Variants in IARS2 observed in about 807,000 individuals in gnomAD.
IARS2 encodes isoleucine--tRNA ligase, mitochondrial.
IARS2 carries 56 observed loss-of-function variants against 126.3 expected under a neutral mutation model. The observed-to-expected ratio is 0.44, with a 90% CI of 0.36 to 0.55. The LOEUF (loss-of-function observed/expected upper bound fraction) is 0.55. Among genes scored for constraint, IARS2 ranks in the 20% least tolerant of loss-of-function variants. The pLI is 0.00. For missense variants in IARS2, 1,127 were observed against 1,245.9 expected, an observed-to-expected ratio of 0.90 and a Z score of 1.44; for synonymous variants, 407 against 441.1, an observed-to-expected ratio of 0.92 and a Z score of 0.97.
At chr1:220,145,871 GGAGA>G (rs1230257613) in intron 22 of IARS2, among the ~76,000 whole-genome samples, 2 of 152,136 alleles carry the variant, frequency 1.3e-5, no homozygotes, top group African/African-American at 4.8e-5. Context: ...GACAGAAGAG[GGAGA>G]GAGATTTTCT....
intron 14 of IARS2, among the ~76,000 whole-genome samples, chr1:220,131,834 G>T (rs1282486215): frequency 8.2e-5 from 10 of 122,090 alleles, no homozygotes; most frequent in Non-Finnish European, 1.6e-5. Flanking sequence ...GTCTCACTCT[G>T]TTGCCTAGGC....
At chr1:220,118,599 G>A (rs1656975673) in intron 12 of IARS2, among the ~76,000 whole-genome samples, 1 of 151,984 alleles carries the variant, frequency 6.6e-6, no homozygotes, top group Admixed American at 6.6e-5. Flanking sequence ...TGGCTACCTG[G>A]GAAGGAAAAG....
At chr1:220,117,134 GT>G (rs201533210) in intron 12 of IARS2, among the ~76,000 whole-genome samples, 65 of 96,544 alleles carry the variant, frequency 6.7e-4, no homozygotes, top group Middle Eastern at 6.5e-3. Flanking sequence ...ACACTGGAAA[GT>G]TTTTTTTTTT....
At chr1:220,100,450 A>G (rs2102817583) in intron 2 of IARS2, 40 bp from the exon 3 acceptor site, 1 of 1,472,750 alleles carries the variant, frequency 6.8e-7, no homozygotes, top group Non-Finnish European at 9.2e-7. Flanking sequence ...ATGGCCAAAT[A>G]TTTTATGTAT....
At chr1:220,118,039 A>T (rs1366599390) in intron 12 of IARS2, 1 of 430,170 alleles carries the variant, frequency 2.3e-6, no homozygotes, top group Non-Finnish European at 4.7e-6. Context: ...ATTAATTCTT[A>T]ATCATTTGTT....
intron 12 of IARS2, among the ~76,000 whole-genome samples, chr1:220,117,366 T>C (rs1656938602): frequency 6.6e-6 from 1 of 151,478 alleles, no homozygotes; most frequent in African/African-American, 2.4e-5. Context: ...TAATTTTATA[T>C]ATATATATTT....
In IARS2 at chr1:220,103,447, G is replaced by C; in HGVS notation, c.951G>C (p.Lys317Asn). Reference protein sequence around the residue: ...NEAVCYMPESKYAVVKCSKSG... With the variant: ...NEAVCYMPESNYAVVKCSKSG... ...AATTTCTCCTAAAATTTTATGTTAG[G>C]TATGCTGTTGTGAAATGTTCTAAGT... The change falls in exon 8 of 23, where the codon AAG becomes AAC. Residue 317 changes from lysine to asparagine, a missense_variant and splice_region_variant. Coordinates refer to ENST00000366922, the MANE Select transcript of IARS2 (RefSeq NM_018060.4). 1.3e-6 allele frequency: 2 copies of C among 1,541,464 alleles called. No individual in the cohort carries two copies. Among genetic ancestry groups the C allele is most frequent in the Non-Finnish European group, 1.8e-6 (2 of 1,116,560 alleles).
chr1:220,135,492 C>G (rs1049407801), intron 15 of IARS2, among the ~76,000 whole-genome samples: 3 of 151,882 alleles, frequency 2.0e-5, no homozygotes, highest in Non-Finnish European at 4.4e-5. Flanking sequence ...TCTCGAGTAG[C>G]TGGAATTACG....
At chr1:220,099,211 CAAAAAAAAAAA>C (rs1184799314) in intron 2 of IARS2, among the ~76,000 whole-genome samples, 1 of 49,262 alleles carries the variant, frequency 2.0e-5, no homozygotes, top group South Asian at 6.3e-4. Context: ...GACTCCGTCT[CAAAAAAAAAAA>C]AAAAAAAAAG....
chr1:220,097,406 C>T (rs1470081076), intron 2 of IARS2, among the ~76,000 whole-genome samples: 1 of 150,692 alleles, frequency 6.6e-6, no homozygotes, highest in Non-Finnish European at 1.5e-5. Flanking sequence ...TACTGTCGCC[C>T]GGACTGGAGT....
chr1:220,114,346 A>T lies in IARS2; in HGVS notation c.1512A>T (p.Gly504=). Residue 504 remains glycine (G), a synonymous_variant, in exon 12 of 23, where the codon GGA becomes GGT. Coordinates refer to ENST00000366922, the MANE Select transcript of IARS2 (RefSeq NM_018060.4). ...ELLKKVKFIP[G]SALNGMVEMM... Reference sequence around the variant, plus strand: ...TAAAAAAGGTGAAATTTATTCCTGGATCAGCACTGAATGGCATGGTTGAAA... The same window carrying T: ...TAAAAAAGGTGAAATTTATTCCTGGTTCAGCACTGAATGGCATGGTTGAAA... The T allele has an allele frequency of 3.7e-6, 6 of 1,614,020 alleles. No individual in the cohort carries two copies. Among genetic ancestry groups the T allele is most frequent in the Non-Finnish European group, 5.1e-6 (6 of 1,179,922 alleles).
chr1:220,100,344 A>C, intron 2 of IARS2, 146 bp from the exon 3 acceptor site: 1 of 626,202 alleles, frequency 1.6e-6, no homozygotes, highest in Non-Finnish European at 2.7e-6. Context: ...AGTTTTAAAA[A>C]TGGTATTAAG....
intron 20 of IARS2, among the ~76,000 whole-genome samples, 173 bp from the exon 21 acceptor site, chr1:220,142,771 A>T (rs908143058): frequency 6.6e-6 from 1 of 152,062 alleles, no homozygotes; most frequent in African/African-American, 2.4e-5. Context: ...AAGATTTTCC[A>T]ATGCTGATAT....
intron 18 of IARS2, 113 bp downstream of exon 18, chr1:220,139,252 C>A: frequency 1.5e-6 from 1 of 683,306 alleles, no homozygotes; most frequent in Non-Finnish European, 2.3e-6. Context: ...AACTATAGCA[C>A]TCTTGAAGAG....
At chr1:220,102,836 CATT>C in intron 7 of IARS2, 59 bp downstream of exon 7, 1 of 921,830 alleles carries the variant, frequency 1.1e-6, no homozygotes, top group Non-Finnish European at 1.8e-6. Flanking sequence ...CCATTATTAA[CATT>C]ATTTTGAATT....
At chr1:220,142,647 T>C (rs1020456905) in intron 20 of IARS2, among the ~76,000 whole-genome samples, 3 of 152,210 alleles carry the variant, frequency 2.0e-5, no homozygotes, top group East Asian at 1.9e-4. Context: ...AAGTCACTTA[T>C]AATGTTACTC....
chr1:220,133,227 C>T (rs1359121912), intron 14 of IARS2, among the ~76,000 whole-genome samples: 3 of 151,848 alleles, frequency 2.0e-5, no homozygotes, highest in Non-Finnish European at 2.9e-5. Context: ...AACCTGGTCT[C>T]GAACTCCTGA....
rs1166672621 is a variant in IARS2 at position 220,096,111 on chromosome 1, G to A, written c.275G>A (p.Gly92Glu). The A allele has an allele frequency of 2.1e-6, 3 of 1,455,896 alleles. No homozygotes were observed. Among genetic ancestry groups the A allele is most frequent in the Non-Finnish European group, 2.8e-6 (3 of 1,053,294 alleles). 90.2% of individuals were successfully genotyped at this position (1,455,896 alleles called of 1,614,324 possible). ...TTTTTTTTTTTAAAACAGAAATGTG[G>A]ATTTTCAGAACTTTATTCATGGCAA... Reference protein sequence around the residue: ...DTELEIQQKCGFSELYSWQRE... With the variant: ...DTELEIQQKCEFSELYSWQRE... Residue 92 changes from glycine (G) to glutamate (E), a missense_variant, in exon 2 of 23, where the codon GGA becomes GAA. Physicochemically the swap from Gly to Glu is moderately conservative, Grantham distance 98. Transcript: ENST00000366922.
chr1:220,117,496 G>A (rs181131287), intron 12 of IARS2, among the ~76,000 whole-genome samples: 9 of 152,022 alleles, frequency 5.9e-5, no homozygotes, highest in Admixed American at 3.3e-4. Context: ...CACTGTGCCC[G>A]GCTACTCTTC....
Sources: gnomAD v4.1 joint callset for allele counts (sites outside exome capture counted in the v4.1 genomes callset) on GRCh38, gnomAD v4.1.1 for gene constraint, MANE v1.5 for transcripts, NCBI Gene and HGNC (gene_info 2026-07-23, HGNC 2026-07-21) for gene names.